FBXW7: variants seen among roughly 807,000 people sequenced by gnomAD.
FBXW7 encodes the protein F-box/WD repeat-containing protein 7.
Under a neutral mutation model 86.3 loss-of-function variants are expected in FBXW7, and 11 were observed. That is an observed-to-expected ratio of 0.13 (90% CI 0.08 to 0.21). The LOEUF (loss-of-function observed/expected upper bound fraction) is 0.21, where lower values mean the gene tolerates loss of function less well. Among genes scored for constraint, FBXW7 ranks in the 10% least tolerant of loss-of-function variants. FBXW7 has a pLI of 1.00. For synonymous variants in FBXW7, 313 were observed against 297.9 expected (o/e 1.05, Z -0.52); for missense variants, 488 against 847.4 (o/e 0.58, Z 5.27).
At chr4:152,462,904 T>C (rs1318324779) in intron 2 of FBXW7, among the ~76,000 whole-genome samples, 2 of 151,472 alleles carry the variant, frequency 1.3e-5, no homozygotes, top group African/African-American at 4.9e-5. Flanking sequence ...GTACTCCCAC[T>C]TCCACTTCCA....
chr4:152,424,422 G>A (rs1739197812), intron 2 of FBXW7, among the ~76,000 whole-genome samples: 1 of 152,096 alleles, frequency 6.6e-6, no homozygotes, highest in Non-Finnish European at 1.5e-5. Flanking sequence ...TATAGCTAGA[G>A]ACACTAAACC....
At position 152,534,756 on chromosome 4, in the gene FBXW7, G is replaced by A. The variant is rs1750345795; in HGVS notation, c.-120+185C>T. ...AGAAACCTGCATACTTGCATTACTC[G>A]TACAAAGAGCTAAAAAGTTACAAAA... On this transcript the variant is annotated intron_variant, in intron 2 of 13. Transcript: ENST00000281708. 2.6e-5 allele frequency among the ~76,000 whole-genome samples: 4 copies of A among 152,076 alleles called. No individual in the cohort carries two copies. In the South Asian group the frequency reaches 8.3e-4, roughly 31 times the overall value.
At chr4:152,502,424 A>G (rs986513692) in intron 2 of FBXW7, among the ~76,000 whole-genome samples, 3 of 152,204 alleles carry the variant, frequency 2.0e-5, no homozygotes, top group Admixed American at 1.3e-4. Context: ...TACAGTTAGA[A>G]TGAGTATTTT....
At chr4:152,401,434 A>G (rs946926320) in intron 4 of FBXW7, among the ~76,000 whole-genome samples, 10 of 152,348 alleles carry the variant, frequency 6.6e-5, no homozygotes, top group African/African-American at 2.4e-4. Flanking sequence ...AAAGAAGCCA[A>G]TCTGAAAGGC....
intron 4 of FBXW7, among the ~76,000 whole-genome samples, chr4:152,381,303 A>G (rs990338476): frequency 2.6e-5 from 4 of 152,146 alleles, no homozygotes; most frequent in African/African-American, 9.6e-5. Flanking sequence ...AAGAAAAAGT[A>G]CAATACAATT....
At chr4:152,370,942 TAAAA>T (rs890076944) in intron 4 of FBXW7, among the ~76,000 whole-genome samples, 1 of 151,796 alleles carries the variant, frequency 6.6e-6, no homozygotes, top group African/African-American at 2.4e-5. Context: ...GATATTGACT[TAAAA>T]AAACCCTACT....
At chr4:152,480,636 A>G (rs1200529441) in intron 2 of FBXW7, among the ~76,000 whole-genome samples, 1 of 152,218 alleles carries the variant, frequency 6.6e-6, no homozygotes, top group Non-Finnish European at 1.5e-5. Flanking sequence ...AAAGTTCTTG[A>G]AGGAAATTAA....
chr4:152,352,381 C>T, intron 4 of FBXW7: 1 of 1,539,586 alleles, frequency 6.5e-7, no homozygotes, highest in Non-Finnish European at 8.9e-7. Context: ...TTAGAGGATA[C>T]TGCAGCCATC....
intron 2 of FBXW7, among the ~76,000 whole-genome samples, chr4:152,456,524 A>G (rs1742435177): frequency 1.3e-5 from 2 of 152,192 alleles, no homozygotes; most frequent in South Asian, 4.1e-4. Flanking sequence ...AGACAGAGCA[A>G]GACTCTTACT....
chr4:152,486,652 T>G (rs1745369045), intron 2 of FBXW7, among the ~76,000 whole-genome samples: 1 of 152,084 alleles, frequency 6.6e-6, no homozygotes, highest in South Asian at 2.1e-4. Flanking sequence ...TAACAATGTC[T>G]CTGGAGTACG....
intron 2 of FBXW7, among the ~76,000 whole-genome samples, chr4:152,434,850 AT>A (rs917921188): frequency 1.4e-4 from 21 of 152,124 alleles, no homozygotes; most frequent in African/African-American, 4.3e-4. Flanking sequence ...GGTTTGTATA[AT>A]GTGCTTCAGA....
chr4:152,468,441 A>T (rs538550430), intron 2 of FBXW7, among the ~76,000 whole-genome samples: 144 of 152,316 alleles, frequency 9.5e-4, no homozygotes, highest in African/African-American at 3.3e-3. Flanking sequence ...AAACACTGAT[A>T]CATGCTACAA....
At chr4:152,339,093 A>G (rs956610711) in intron 6 of FBXW7, among the ~76,000 whole-genome samples, 2 of 152,212 alleles carry the variant, frequency 1.3e-5, no homozygotes, top group East Asian at 3.8e-4. Flanking sequence ...CTTTCTTATC[A>G]TAAAATATGT....
chr4:152,436,357 G>C (rs1367686241), intron 2 of FBXW7, among the ~76,000 whole-genome samples: 2 of 152,228 alleles, frequency 1.3e-5, no homozygotes, highest in Non-Finnish European at 1.5e-5. Context: ...TGAAGGCTGA[G>C]AGAGGTGAGA....
At chr4:152,445,443 A>G (rs909286269) in intron 2 of FBXW7, among the ~76,000 whole-genome samples, 2 of 152,220 alleles carry the variant, frequency 1.3e-5, no homozygotes, top group Admixed American at 6.5e-5. Context: ...GAAGCGCTTC[A>G]ATGAGCACTT....
intron 2 of FBXW7, among the ~76,000 whole-genome samples, chr4:152,524,727 TC>T (rs1749344301): frequency 6.6e-6 from 1 of 152,002 alleles, no homozygotes; most frequent in Non-Finnish European, 1.5e-5. Context: ...ACAACCCCAC[TC>T]TCTTCTCCCG....
At chr4:152,476,056 A>G (rs1230294858) in intron 2 of FBXW7, among the ~76,000 whole-genome samples, 5 of 152,210 alleles carry the variant, frequency 3.3e-5, no homozygotes, top group Non-Finnish European at 5.9e-5. Context: ...ACAAAATTTG[A>G]GAACACTAAT....
chr4:152,339,922 C>CAAAAAAAAAA (rs1227838925), intron 6 of FBXW7, among the ~76,000 whole-genome samples: 1 of 66,352 alleles, frequency 1.5e-5, no homozygotes. Context: ...GGCTTTGTCT[C>CAAAAAAAAAA]AAAAAAAAAA....
chr4:152,377,056 T>C (rs1439089715), intron 4 of FBXW7, among the ~76,000 whole-genome samples: 1 of 152,166 alleles, frequency 6.6e-6, no homozygotes, highest in African/African-American at 2.4e-5. Flanking sequence ...ATAGAAACAA[T>C]GTCAACAGCA....
Sources: allele counts gnomAD v4.1 joint callset (sites outside exome capture counted in the v4.1 genomes callset), GRCh38; gene constraint gnomAD v4.1.1; transcripts MANE v1.5; gene names NCBI Gene and HGNC (gene_info 2026-07-23, HGNC 2026-07-21).